OR4C15: variants seen among roughly 807,000 people sequenced by gnomAD.
OR4C15 encodes the protein olfactory receptor family 4 subfamily C member 15.
For missense variants in OR4C15, 697 were observed against 377.5 expected (o/e 1.85, Z -7.01); for synonymous variants, 216 against 134.0 (o/e 1.61, Z -4.22).
rs1323439222 is a variant in OR4C15 at position 55,554,676 on chromosome 11, G to A, written c.208G>A (p.Ala70Thr). The change falls in exon 1 of 1, where the codon GCG (alanine) becomes ACG (threonine). Residue 70 changes from alanine (A) to threonine (T), a missense_variant. Coordinates refer to ENST00000642128, the MANE Select transcript of OR4C15 (RefSeq NM_001001920.3). ...FFLGFLSFLD[A>T]CFSSVITPKM... Reference sequence around the variant, plus strand: ...CTTGGGCTTCCTGTCCTTCCTGGATGCGTGCTTCTCATCTGTCATCACCCC... The same window carrying A: ...CTTGGGCTTCCTGTCCTTCCTGGATACGTGCTTCTCATCTGTCATCACCCC... 1 of 1,613,412 alleles carries A rather than the reference G, an allele frequency of 6.2e-7. No individual in the cohort carries two copies. Among genetic ancestry groups the A allele is most frequent in the Non-Finnish European group, 8.5e-7 (1 of 1,179,954 alleles).
rs1857137330 is a variant in OR4C15 at position 55,555,336 on chromosome 11, A to T, written c.868A>T (p.Asn290Tyr). 6.2e-7 allele frequency: 1 copy of T among 1,613,624 alleles called. No homozygotes were observed. The highest frequency in any genetic ancestry group is 1.7e-5 in the Admixed American group (1 of 59,928). Residue 290 changes from asparagine (N) to tyrosine (Y), a missense_variant, in exon 1 of 1, where the codon AAT becomes TAT. Coordinates refer to ENST00000642128, the MANE Select transcript of OR4C15 (RefSeq NM_001001920.3). ...LLNPLIYTFRNKEVKQAMRRI... is the reference protein window; with the variant it reads ...LLNPLIYTFRYKEVKQAMRRI... Reference sequence around the variant, plus strand: ...CAATCCTTTGATTTACACTTTCAGGAATAAGGAAGTAAAACAGGCCATGAG... The same window carrying T: ...CAATCCTTTGATTTACACTTTCAGGTATAAGGAAGTAAAACAGGCCATGAG...
Position 55,555,053 on chromosome 11 carries a change from C to A in OR4C15, c.585C>A (p.Gly195=), listed in dbSNP as rs762788770. ...ELACTDTHIF[G]LMVVINSGFI... is the part of the protein sequence containing the mutation. ...CCTGCACTGATACTCACATCTTTGGCCTCATGGTGGTCATCAACAGTGGGT... is the reference window on the plus strand; with the variant it reads ...CCTGCACTGATACTCACATCTTTGGACTCATGGTGGTCATCAACAGTGGGT... Residue 195 remains glycine, a synonymous_variant, in exon 1 of 1, where the codon GGC becomes GGA. Coordinates refer to ENST00000642128, the MANE Select transcript of OR4C15 (RefSeq NM_001001920.3). 1.9e-6 allele frequency: 3 copies of A among 1,613,824 alleles called. No homozygotes were observed.
chr11:55,554,982 G>A lies in OR4C15; in HGVS notation c.514G>A (p.Val172Ile). 6.2e-7 allele frequency: 1 copy of A among 1,613,816 alleles called. No individual in the cohort carries two copies. The highest frequency in any genetic ancestry group is 8.5e-7 in the Non-Finnish European group (1 of 1,179,930). The stretch of plus-strand genomic sequence containing the variant: ...CCAGCTTCCCTTTTGTGGCCCCAAT[G>A]TCATCAATCACTTTATGTGTGACTT... ...TFQLPFCGPNVINHFMCDLYP... is the reference protein window; with the variant it reads ...TFQLPFCGPNIINHFMCDLYP... Residue 172 changes from valine (V) to isoleucine (I), a missense_variant, in exon 1 of 1, where the codon GTC becomes ATC. Coordinates refer to ENST00000642128, the MANE Select transcript of OR4C15 (RefSeq NM_001001920.3).
In OR4C15 at chr11:55,555,124, T is replaced by C. The variant is rs1295443957; in HGVS notation, c.656T>C (p.Val219Ala). ...TCCTTGTTGCTTGTCTCCTATGCTG[T>C]CATCTTGCTCTCTCTGAGAACACAC... Reference protein sequence around the residue: ...NFSLLLVSYAVILLSLRTHSS... With the variant: ...NFSLLLVSYAAILLSLRTHSS... Residue 219 changes from valine to alanine, a missense_variant, in exon 1 of 1, where the codon GTC becomes GCC. Physicochemically the swap from Val to Ala is moderately conservative, Grantham distance 64. Coordinates refer to ENST00000642128, the MANE Select transcript of OR4C15 (RefSeq NM_001001920.3). The C allele has an allele frequency of 6.2e-7, 1 of 1,613,980 alleles. No individual in the cohort carries two copies. The highest frequency in any genetic ancestry group is 8.5e-7 in the Non-Finnish European group (1 of 1,179,962).
chr11:55,555,414 CT>C lies in OR4C15; in HGVS notation c.949del (p.Ter317del), dbSNP rs1857139139. 6.4e-7 allele frequency: 1 copy of C among 1,569,390 alleles called. No individual in the cohort carries two copies. Among genetic ancestry groups the C allele is most frequent in the Non-Finnish European group, 8.6e-7 (1 of 1,163,006 alleles). On this transcript the variant is annotated frameshift_variant, in exon 1 of 1. Coordinates refer to ENST00000642128, the MANE Select transcript of OR4C15 (RefSeq NM_001001920.3). LOFTEE classifies it high-confidence loss of function. ...VVSDEKENIK[L>X] ...TTCTGATGAGAAAGAAAATATTAAACTTTAAAAAATCCAAAGTTAAGAGTAA... is the reference window on the plus strand; with the variant it reads ...TTCTGATGAGAAAGAAAATATTAAACTTAAAAAATCCAAAGTTAAGAGTAA...
At position 55,554,821 on chromosome 11, in the gene OR4C15, C is replaced by T; in HGVS notation, c.353C>T (p.Ala118Val). 3 of 1,613,964 alleles carry T rather than the reference C, an allele frequency of 1.9e-6. No individual in the cohort carries two copies. Among genetic ancestry groups the T allele is most frequent in the Non-Finnish European group, 1.7e-6 (2 of 1,179,944 alleles). ...GVEVIVLTAM[A>V]YDRYVAICKP... Reference sequence around the variant, plus strand: ...GAGGTGATTGTCCTCACAGCCATGGCCTATGATCGTTATGTGGCCATTTGC... The same window carrying T: ...GAGGTGATTGTCCTCACAGCCATGGTCTATGATCGTTATGTGGCCATTTGC... The change falls in exon 1 of 1, where the codon GCC becomes GTC. Residue 118 changes from alanine to valine, a missense_variant. Physicochemically the swap from Ala to Val is moderately conservative, Grantham distance 64. Coordinates refer to ENST00000642128, the MANE Select transcript of OR4C15 (RefSeq NM_001001920.3).
chr11:55,555,023 G>T lies in OR4C15; in HGVS notation c.555G>T (p.Glu185Asp), dbSNP rs1254119478. ...TGTGTGACTTGTACCCGTTACTGGA[G>T]CTTGCCTGCACTGATACTCACATCT... Reference protein sequence around the residue: ...HFMCDLYPLLELACTDTHIFG... With the variant: ...HFMCDLYPLLDLACTDTHIFG... The change falls in exon 1 of 1, where the codon GAG becomes GAT. Residue 185 changes from glutamate to aspartate, a missense_variant. By Grantham distance (45) the Glu-to-Asp change is conservative. Coordinates refer to ENST00000642128, the MANE Select transcript of OR4C15 (RefSeq NM_001001920.3). The T allele has an allele frequency of 2.5e-6, 4 of 1,613,584 alleles. No homozygotes were observed. Among genetic ancestry groups the T allele is most frequent in the Middle Eastern group, 1.6e-4 (1 of 6,080 alleles).
rs759617397 is a variant in OR4C15 at position 55,555,417 on chromosome 11, T to C, written c.949T>C (p.Ter317GlnextTer?). 3.8e-6 allele frequency: 6 copies of C among 1,567,342 alleles called. No individual in the cohort carries two copies. The highest frequency in any genetic ancestry group is 5.2e-6 in the Non-Finnish European group (6 of 1,161,870). ...TGATGAGAAAGAAAATATTAAACTTTAAAAAATCCAAAGTTAAGAGTAAAA... is the reference window on the plus strand; with the variant it reads ...TGATGAGAAAGAAAATATTAAACTTCAAAAAATCCAAAGTTAAGAGTAAAA... ...VSDEKENIKL[*>Q] Residue 317 changes from the stop codon to glutamine, a stop_lost, in exon 1 of 1, where the codon TAA becomes CAA. Coordinates refer to ENST00000642128, the MANE Select transcript of OR4C15 (RefSeq NM_001001920.3).
At position 55,554,769 on chromosome 11, in the gene OR4C15, T is replaced by A; in HGVS notation, c.301T>A (p.Phe101Ile). Residue 101 changes from phenylalanine (F) to isoleucine (I), a missense_variant, in exon 1 of 1, where the codon TTT (phenylalanine) becomes ATT (isoleucine). Transcript: ENST00000642128. ...ISFEGCMMQL[F>I]AEHFFAGVEV... The stretch of plus-strand genomic sequence containing the variant: ...TTTTGAAGGCTGCATGATGCAGCTC[T>A]TTGCTGAACACTTCTTTGCTGGGGT... 1 of 1,613,984 alleles carries A rather than the reference T, an allele frequency of 6.2e-7. No individual in the cohort carries two copies. The highest frequency in any genetic ancestry group is 8.5e-7 in the Non-Finnish European group (1 of 1,179,938).
Position 55,554,620 on chromosome 11 carries a change from C to G in OR4C15, c.152C>G (p.Pro51Arg). Residue 51 changes from proline (P) to arginine (R), a missense_variant, in exon 1 of 1, where the codon CCT (proline) becomes CGT (arginine). Coordinates refer to ENST00000642128, the MANE Select transcript of OR4C15 (RefSeq NM_001001920.3). Reference protein sequence around the residue: ...MLIVVTILSSPALLVSPMYFF... With the variant: ...MLIVVTILSSRALLVSPMYFF... Reference sequence around the variant, plus strand: ...ATTGTAGTAACCATTCTCAGCAGCCCTGCTCTTCTGGTGTCTCCTATGTAC... The same window carrying G: ...ATTGTAGTAACCATTCTCAGCAGCCGTGCTCTTCTGGTGTCTCCTATGTAC... 6.2e-7 allele frequency: 1 copy of G among 1,613,844 alleles called. No individual in the cohort carries two copies. Among genetic ancestry groups the G allele is most frequent in the East Asian group, 2.2e-5 (1 of 44,860 alleles).
In OR4C15 at chr11:55,555,250, C is replaced by A; in HGVS notation, c.782C>A (p.Pro261Gln). ...VPCIFVYTRP[P>Q]SAFSLDKMAA... ...TGCATATTTGTATATACACGACCTC[C>A]ATCTGCTTTTTCCCTTGACAAAATG... is the stretch of plus-strand genomic sequence containing the variant. The change falls in exon 1 of 1, where the codon CCA becomes CAA. Residue 261 changes from proline (P) to glutamine (Q), a missense_variant. Coordinates refer to ENST00000642128, the MANE Select transcript of OR4C15 (RefSeq NM_001001920.3). The A allele has an allele frequency of 6.2e-7, 1 of 1,613,918 alleles. No homozygotes were observed. The highest frequency in any genetic ancestry group is 2.2e-5 in the East Asian group (1 of 44,844).
rs1284689040 is a variant in OR4C15, at chr11:55,555,340, A to T, written c.872A>T (p.Lys291Met). The T allele has an allele frequency of 6.2e-7, 1 of 1,613,718 alleles. No individual in the cohort carries two copies. The highest frequency in any genetic ancestry group is 8.5e-7 in the Non-Finnish European group (1 of 1,179,740). ...CCTTTGATTTACACTTTCAGGAATAAGGAAGTAAAACAGGCCATGAGGAGA... is the reference window on the plus strand; with the variant it reads ...CCTTTGATTTACACTTTCAGGAATATGGAAGTAAAACAGGCCATGAGGAGA... Reference protein sequence around the residue: ...LNPLIYTFRNKEVKQAMRRIW... With the variant: ...LNPLIYTFRNMEVKQAMRRIW... The change falls in exon 1 of 1, where the codon AAG becomes ATG. Residue 291 changes from lysine to methionine, a missense_variant. Transcript: ENST00000642128.
Position 55,554,523 on chromosome 11 carries a change from C to G in OR4C15, c.55C>G (p.Pro19Ala). The stretch of plus-strand genomic sequence containing the variant: ...TGTCCTCCTGGGACTTTCACAGAAT[C>G]CAAATGTTCAGGAAATAGTATTTGT... ...EFVLLGLSQNPNVQEIVFVVF... is the reference protein window; with the variant it reads ...EFVLLGLSQNANVQEIVFVVF... The change falls in exon 1 of 1, where the codon CCA becomes GCA. Residue 19 changes from proline (P) to alanine (A), a missense_variant. Pro to Ala is a conservative substitution (Grantham distance 27). Transcript: ENST00000642128. 1 of 1,613,950 alleles carries G rather than the reference C, an allele frequency of 6.2e-7. No homozygotes were observed.
At position 55,554,571 on chromosome 11, in the gene OR4C15, G is replaced by A. The variant is rs756889233; in HGVS notation, c.103G>A (p.Ala35Thr). 7 of 1,613,808 alleles carry A rather than the reference G, an allele frequency of 4.3e-6. No homozygotes were observed. Among genetic ancestry groups the A allele is most frequent in the East Asian group, 2.2e-5 (1 of 44,870 alleles). ...VFVVFLFVYI[A>T]TVGGNMLIVV... ...TGTTGTATTTTTGTTTGTCTACATT[G>A]CAACTGTTGGGGGCAACATGCTAAT... The change falls in exon 1 of 1, where the codon GCA (alanine) becomes ACA (threonine). Residue 35 changes from alanine (A) to threonine (T), a missense_variant. Coordinates refer to ENST00000642128, the MANE Select transcript of OR4C15 (RefSeq NM_001001920.3).
rs1242573899 is a variant in OR4C15 at position 55,555,302 on chromosome 11, T to A, written c.834T>A (p.Asn278Lys). The A allele has an allele frequency of 3.7e-6, 6 of 1,613,744 alleles. No individual in the cohort carries two copies. The highest frequency in any genetic ancestry group is 5.1e-6 in the Non-Finnish European group (6 of 1,179,916). ...CGGCAATATTTTATATCATCTTAAA[T>A]CCCTTGCTCAATCCTTTGATTTACA... The part of the protein sequence containing the change: ...KMAAIFYIIL[N>K]PLLNPLIYTF... Residue 278 changes from asparagine to lysine, a missense_variant, in exon 1 of 1, where the codon AAT becomes AAA. Physicochemically the swap from Asn to Lys is moderately conservative, Grantham distance 94 (BLOSUM62 0). Transcript: ENST00000642128.
At position 55,554,879 on chromosome 11, in the gene OR4C15, G is replaced by A. The variant is rs768486899; in HGVS notation, c.411G>A (p.Arg137=). 1 of 1,613,984 alleles carries A rather than the reference G, an allele frequency of 6.2e-7. No individual in the cohort carries two copies. The highest frequency in any genetic ancestry group is 8.5e-7 in the Non-Finnish European group (1 of 1,179,936). Residue 137 remains arginine, a synonymous_variant, in exon 1 of 1, where the codon AGG becomes AGA. Transcript: ENST00000642128. ...TGCATTACTCTTCTATCATGAACAG[G>A]AGGCTCTGTGGCATTCTGATGGGGG... ...KPLHYSSIMN[R]RLCGILMGVA...
At position 55,554,723 on chromosome 11, in the gene OR4C15, C is replaced by T; in HGVS notation, c.255C>T (p.Leu85=). Reference sequence around the variant, plus strand: ...CCCCAAAGATGATTGTAGACTCCCTCTATGTGACAAAAACCATCTCTTTTG... The same window carrying T: ...CCCCAAAGATGATTGTAGACTCCCTTTATGTGACAAAAACCATCTCTTTTG... ...VITPKMIVDS[L]YVTKTISFEG... Residue 85 remains leucine, a synonymous_variant, in exon 1 of 1, where the codon CTC becomes CTT. Coordinates refer to ENST00000642128, the MANE Select transcript of OR4C15 (RefSeq NM_001001920.3). The T allele has an allele frequency of 6.2e-7, 1 of 1,613,796 alleles. No homozygotes were observed. Among genetic ancestry groups the T allele is most frequent in the Non-Finnish European group, 8.5e-7 (1 of 1,179,914 alleles).
In OR4C15 at chr11:55,554,760, A is replaced by T. The variant is rs578152419; in HGVS notation, c.292A>T (p.Met98Leu). The T allele has an allele frequency of 4.3e-6, 7 of 1,613,966 alleles. No homozygotes were observed. In the South Asian group the frequency reaches 5.5e-5, roughly 13 times the overall value. ...AACCATCTCTTTTGAAGGCTGCATG[A>T]TGCAGCTCTTTGCTGAACACTTCTT... is the stretch of plus-strand genomic sequence containing the variant. Reference protein sequence around the residue: ...TKTISFEGCMMQLFAEHFFAG... With the variant: ...TKTISFEGCMLQLFAEHFFAG... The change falls in exon 1 of 1, where the codon ATG (methionine) becomes TTG (leucine). Residue 98 changes from methionine to leucine, a missense_variant. Physicochemically the swap from Met to Leu is conservative, Grantham distance 15. Coordinates refer to ENST00000642128, the MANE Select transcript of OR4C15 (RefSeq NM_001001920.3).
chr11:55,554,835 G>C lies in OR4C15; in HGVS notation c.367G>C (p.Val123Leu). 3 of 1,613,958 alleles carry C rather than the reference G, an allele frequency of 1.9e-6. No homozygotes were observed. Among genetic ancestry groups the C allele is most frequent in the Non-Finnish European group, 2.5e-6 (3 of 1,179,940 alleles). ...VLTAMAYDRY[V>L]AICKPLHYSS... ...CACAGCCATGGCCTATGATCGTTATGTGGCCATTTGCAAGCCCTTGCATTA... is the reference window on the plus strand; with the variant it reads ...CACAGCCATGGCCTATGATCGTTATCTGGCCATTTGCAAGCCCTTGCATTA... The change falls in exon 1 of 1, where the codon GTG becomes CTG. Residue 123 changes from valine to leucine, a missense_variant. Coordinates refer to ENST00000642128, the MANE Select transcript of OR4C15 (RefSeq NM_001001920.3).
Sources: gnomAD v4.1 joint callset for allele counts on GRCh38, gnomAD v4.1.1 for gene constraint, MANE v1.5 for transcripts, NCBI Gene and HGNC (gene_info 2026-07-23, HGNC 2026-07-21) for gene names.